DYNC2LI1: variants seen among roughly 807,000 people sequenced by gnomAD.
The protein encoded by DYNC2LI1 is cytoplasmic dynein 2 light intermediate chain 1.
Under a neutral mutation model 51.9 loss-of-function variants are expected in DYNC2LI1, and 45 were observed. The observed-to-expected ratio is 0.87, with a 90% confidence interval of 0.68 to 1.11. The LOEUF (loss-of-function observed/expected upper bound fraction) is 1.11. Among genes scored for constraint, DYNC2LI1 ranks in the 50% most tolerant of loss-of-function variants. The pLI is 0.00. For missense variants in DYNC2LI1, 490 were observed against 417.4 expected, an observed-to-expected ratio of 1.17 and a Z score of -1.51; for synonymous variants, 130 against 137.8, an observed-to-expected ratio of 0.94 and a Z score of 0.40.
intron 2 of DYNC2LI1, among the ~76,000 whole-genome samples, chr2:43,782,614 T>A (rs1673343889): frequency 1.3e-5 from 2 of 151,940 alleles, no homozygotes; most frequent in South Asian, 4.2e-4. Flanking sequence ...AGCTAATCCC[T>A]GGCTAAGCTG....
chr2:43,812,597 C>T (rs1272570372), downstream of DYNC2LI1: 1 of 170,336 alleles, frequency 5.9e-6, no homozygotes, highest in Non-Finnish European at 1.3e-5. Flanking sequence ...GTAACTCCGA[C>T]CCCTCGTGTG....
chr2:43,792,702 C>CT lies in DYNC2LI1; in HGVS notation c.321-1754dup, dbSNP rs1372137462. The stretch of plus-strand genomic sequence containing the variant: ...TCCTGGCAACTATCATCCCTACTGC[C>CT]TGTCTCTATGAATTTGACCACTCCA... On this transcript the variant is annotated intron_variant, in intron 5 of 12. Transcript: ENST00000260605. The CT allele has an allele frequency of 1.9e-6, 3 of 1,548,590 alleles. No individual in the cohort carries two copies. In the Admixed American group the frequency reaches 5.9e-5, roughly 31 times the overall value.
At chr2:43,779,318 G>C (rs1373942006) in intron 2 of DYNC2LI1, among the ~76,000 whole-genome samples, 5 of 152,140 alleles carry the variant, frequency 3.3e-5, no homozygotes, top group Admixed American at 2.6e-4. Context: ...CATTATTTTG[G>C]AAGATAAAGA....
At chr2:43,825,068 C>T in the DYNC2LI1 span, 47 of 1,604,306 alleles carry the variant, frequency 2.9e-5, no homozygotes, top group Non-Finnish European at 3.9e-5. Flanking sequence ...GGTAGCGATG[C>T]ACTTTGAATG....
At chr2:43,824,286 A>G in the DYNC2LI1 span, 1 of 1,614,230 alleles carries the variant, frequency 6.2e-7, no homozygotes. Context: ...ACCATTGGTA[A>G]CGTTTTCAGG....
intron 12 of DYNC2LI1, among the ~76,000 whole-genome samples, chr2:43,807,743 C>CAAAAAAA (rs536977133): frequency 2.6e-4 from 11 of 41,632 alleles, no homozygotes; most frequent in East Asian, 1.3e-3. Context: ...TTTGTTAAAG[C>CAAAAAAA]AAAAAAAAAA....
intron 3 of DYNC2LI1, among the ~76,000 whole-genome samples, chr2:43,784,123 A>G (rs962535147): frequency 3.9e-5 from 6 of 152,228 alleles, no homozygotes; most frequent in African/African-American, 1.4e-4. Flanking sequence ...TATATCTTAT[A>G]ACTTCTCCAA....
At position 43,789,660 on chromosome 2, in the gene DYNC2LI1, C is replaced by G. The variant is rs1193152111; in HGVS notation, c.259C>G (p.Leu87Val). The G allele has an allele frequency of 1.2e-6, 2 of 1,613,888 alleles. No individual in the cohort carries two copies. Among genetic ancestry groups the G allele is most frequent in the Non-Finnish European group, 8.5e-7 (1 of 1,179,908 alleles). Residue 87 changes from leucine (L) to valine (V), a missense_variant, in exon 5 of 13, where the codon CTC (leucine) becomes GTC (valine). Transcript: ENST00000260605. ...TPKDIAHFWE[L>V]GGGTSLLDLI... ...AAAAGATATCGCTCACTTTTGGGAA[C>G]TCGGTGGAGGAACCTCTTTATTGGA...
the DYNC2LI1 span, chr2:43,824,272 A>G: frequency 6.2e-7 from 1 of 1,614,234 alleles, no homozygotes; most frequent in Non-Finnish European, 8.5e-7. Context: ...TGGTTTTGAA[A>G]GGAACCATTG....
chr2:43,783,643 C>T (rs781244629), intron 3 of DYNC2LI1, 89 bp downstream of exon 3: 33 of 742,838 alleles, frequency 4.4e-5, no homozygotes, highest in Middle Eastern at 3.0e-4. Flanking sequence ...GGAAGGGGAA[C>T]GATTTTGAGA....
At chr2:43,792,216 A>G (rs1419639845) in intron 5 of DYNC2LI1, among the ~76,000 whole-genome samples, 1 of 152,274 alleles carries the variant, frequency 6.6e-6, no homozygotes, top group East Asian at 1.9e-4. Flanking sequence ...ATAGCACAAT[A>G]ATTTTTAGAA....
At chr2:43,774,898 T>C (rs1196853926) in intron 1 of DYNC2LI1, among the ~76,000 whole-genome samples, 1 of 152,188 alleles carries the variant, frequency 6.6e-6, no homozygotes, top group Non-Finnish European at 1.5e-5. Flanking sequence ...ATCCTCATAT[T>C]TTGAAAGAAT....
chr2:43,795,965 T>C lies in DYNC2LI1; in HGVS notation c.576+7T>C, dbSNP rs1479765442. On this transcript the variant is annotated splice_region_variant and intron_variant, in intron 7 of 12. Coordinates refer to ENST00000260605, the MANE Select transcript of DYNC2LI1 (RefSeq NM_016008.4). ...TAAATATGATGTTTTTCAGGTAAGC[T>C]CTTCCGCTTCTAGCTGAGTTTGTTG... is the stretch of plus-strand genomic sequence containing the variant. 2 of 1,608,242 alleles carry C rather than the reference T, an allele frequency of 1.2e-6. No homozygotes were observed. Among genetic ancestry groups the C allele is most frequent in the Non-Finnish European group, 1.7e-6 (2 of 1,174,976 alleles).
At chr2:43,825,184 G>T in the DYNC2LI1 span, among the ~76,000 whole-genome samples, 1 of 152,118 alleles carries the variant, frequency 6.6e-6, no homozygotes, top group Non-Finnish European at 1.5e-5. Flanking sequence ...GATGACCTTG[G>T]CCCTGCATCA....
At chr2:43,797,338 C>G (rs952515541) in intron 8 of DYNC2LI1, among the ~76,000 whole-genome samples, 3 of 151,892 alleles carry the variant, frequency 2.0e-5, no homozygotes, top group Non-Finnish European at 4.4e-5. Flanking sequence ...AAAAACAGTA[C>G]CTTCTTCATA....
At chr2:43,778,123 T>C (rs1262138506) in intron 2 of DYNC2LI1, among the ~76,000 whole-genome samples, 1 of 152,234 alleles carries the variant, frequency 6.6e-6, no homozygotes, top group Admixed American at 6.5e-5. Flanking sequence ...ATTTATATTT[T>C]AAAATTTTAA....
At chr2:43,813,074 C>T, downstream of DYNC2LI1, 3 of 822,474 alleles carry the variant, frequency 3.6e-6, no homozygotes, top group Non-Finnish European at 6.5e-6. Context: ...CAGTCATGCA[C>T]AGTCGGCAGC....
At chr2:43,787,384 A>T (rs1673574641) in intron 4 of DYNC2LI1, 134 bp downstream of exon 4, 3 of 687,748 alleles carry the variant, frequency 4.4e-6, no homozygotes, top group African/African-American at 1.8e-5. Context: ...GTCTACCATT[A>T]AACTTCAAAT....
At chr2:43,809,621 TA>T in intron 12 of DYNC2LI1, 83 bp from the exon 13 acceptor site, 1 of 890,412 alleles carries the variant, frequency 1.1e-6, no homozygotes, top group East Asian at 2.5e-5. Flanking sequence ...TTGATATATC[TA>T]AAAAATGAGA....
Sources: gnomAD v4.1 joint callset for allele counts (sites outside exome capture counted in the v4.1 genomes callset) on GRCh38, gnomAD v4.1.1 for gene constraint, MANE v1.5 for transcripts, NCBI Gene and HGNC (gene_info 2026-07-23, HGNC 2026-07-21) for gene names.